Variants in AK5 observed in about 807,000 individuals in gnomAD.
The protein encoded by AK5 is adenylate kinase 5, also known as adenylate kinase isoenzyme 5.
AK5 carries 27 observed loss-of-function variants against 69.5 expected under a neutral mutation model. The ratio of observed to expected loss-of-function variants is 0.39; its 90% CI spans 0.29 to 0.54. AK5 has a LOEUF of 0.54. Ranked by LOEUF, AK5 falls within the 20% of genes least tolerant of loss-of-function variation. AK5 has a pLI of 0.71. For synonymous variants in AK5, 260 were observed against 244.4 expected (o/e 1.06, Z -0.60); for missense variants, 531 against 700.4 (o/e 0.76, Z 2.73).
chr1:77,503,899 C>CAAAAAAA (rs147784897), intron 10 of AK5, among the ~76,000 whole-genome samples: 1 of 135,220 alleles, frequency 7.4e-6, no homozygotes, highest in Non-Finnish European at 1.6e-5. Flanking sequence ...GAGACTGTCT[C>CAAAAAAA]AAAAAAAAAA....
intron 7 of AK5, among the ~76,000 whole-genome samples, chr1:77,415,152 T>C (rs984717213): frequency 2.6e-5 from 4 of 152,228 alleles, no homozygotes; most frequent in Admixed American, 1.3e-4. Flanking sequence ...TTCTTACTTA[T>C]AAGCATGAAG....
chr1:77,507,809 C>T (rs1377942971), intron 10 of AK5, among the ~76,000 whole-genome samples: 1 of 152,222 alleles, frequency 6.6e-6, no homozygotes, highest in Non-Finnish European at 1.5e-5. Context: ...ATTATCTAAT[C>T]TAGAAGTTCC....
chr1:77,390,362 A>T (rs1229861099), intron 6 of AK5, among the ~76,000 whole-genome samples: 1 of 152,242 alleles, frequency 6.6e-6, no homozygotes, highest in Non-Finnish European at 1.5e-5. Flanking sequence ...TTACTAGAGC[A>T]CATATTTCAC....
intron 8 of AK5, among the ~76,000 whole-genome samples, chr1:77,463,937 A>G (rs1653990475): frequency 6.6e-6 from 1 of 152,214 alleles, no homozygotes; most frequent in Non-Finnish European, 1.5e-5. Flanking sequence ...AGAGTCCAAT[A>G]GGTATCCAGT....
rs554883381 is a variant in AK5, at chr1:77,320,013, A to G, written c.700-20364A>G. 1.1e-4 allele frequency among the ~76,000 whole-genome samples: 16 copies of G among 152,336 alleles called. No individual in the cohort carries two copies. The South Asian group carries it at 3.1e-3, about 30-fold the overall frequency. On this transcript the variant is annotated intron_variant, in intron 5 of 13. Coordinates refer to ENST00000354567, the MANE Select transcript of AK5 (RefSeq NM_174858.3). Reference sequence around the variant, plus strand: ...AATACCCAAGACTGGTAATTTACAAAGAAAAGAGGTTTAATTGACTCACAG... The same window carrying G: ...AATACCCAAGACTGGTAATTTACAAGGAAAAGAGGTTTAATTGACTCACAG...
chr1:77,541,372 C>A (rs2100371862), intron 13 of AK5, among the ~76,000 whole-genome samples: 1 of 152,188 alleles, frequency 6.6e-6, no homozygotes, highest in Middle Eastern at 3.4e-3. Context: ...TGCAGTGAAC[C>A]AAGATAGTGC....
intron 5 of AK5, among the ~76,000 whole-genome samples, chr1:77,319,748 T>C (rs968163305): frequency 6.6e-6 from 1 of 152,212 alleles, no homozygotes; most frequent in African/African-American, 2.4e-5. Context: ...GCCAAAAATA[T>C]AAATTCAAAT....
At chr1:77,312,665 C>A (rs1371179102) in intron 5 of AK5, among the ~76,000 whole-genome samples, 1 of 150,930 alleles carries the variant, frequency 6.6e-6, no homozygotes, top group African/African-American at 2.4e-5. Context: ...TCATTCACAT[C>A]ACCACGGATG....
At chr1:77,355,020 A>T (rs1028341645) in intron 6 of AK5, among the ~76,000 whole-genome samples, 1 of 152,194 alleles carries the variant, frequency 6.6e-6, no homozygotes, top group Non-Finnish European at 1.5e-5. Context: ...TATATACTTG[A>T]TAATGTTTAT....
chr1:77,490,000 C>T (rs1290113263), intron 10 of AK5, among the ~76,000 whole-genome samples: 1 of 152,196 alleles, frequency 6.6e-6, no homozygotes, highest in Admixed American at 6.5e-5. Context: ...TAATCACCAT[C>T]CTTCCTCCTC....
intron 8 of AK5, among the ~76,000 whole-genome samples, chr1:77,483,068 G>C (rs1655370212): frequency 7.8e-6 from 1 of 127,442 alleles, no homozygotes; most frequent in South Asian, 2.8e-4. Flanking sequence ...TGGTTAAGAA[G>C]AGAGCATGTA....
At chr1:77,305,115 G>T (rs997112896) in intron 5 of AK5, among the ~76,000 whole-genome samples, 9 of 152,056 alleles carry the variant, frequency 5.9e-5, no homozygotes, top group Admixed American at 5.9e-4. Flanking sequence ...TCACATGCCC[G>T]TTTGCCATTT....
intron 6 of AK5, among the ~76,000 whole-genome samples, chr1:77,378,231 A>C (rs745809694): frequency 2.0e-5 from 3 of 152,148 alleles, no homozygotes; most frequent in Admixed American, 6.6e-5. Context: ...ATAACATTTA[A>C]TTTTTTTCAT....
At chr1:77,500,103 G>A (rs1656622168) in intron 10 of AK5, among the ~76,000 whole-genome samples, 2 of 151,820 alleles carry the variant, frequency 1.3e-5, no homozygotes, top group African/African-American at 4.8e-5. Flanking sequence ...CCATCTCAGA[G>A]CCATAATGAT....
At chr1:77,525,651 C>T (rs180955043) in intron 12 of AK5, among the ~76,000 whole-genome samples, 2 of 152,342 alleles carry the variant, frequency 1.3e-5, no homozygotes, top group East Asian at 1.9e-4. Context: ...ATGACCCAAA[C>T]ACCTCCAACT....
At chr1:77,508,038 C>T (rs1158566622) in intron 10 of AK5, among the ~76,000 whole-genome samples, 1 of 152,166 alleles carries the variant, frequency 6.6e-6, no homozygotes. Context: ...CAACGTAACG[C>T]TCAAAGGAAC....
intron 6 of AK5, among the ~76,000 whole-genome samples, chr1:77,345,601 G>C (rs963884224): frequency 1.3e-5 from 2 of 152,100 alleles, no homozygotes; most frequent in African/African-American, 4.8e-5. Flanking sequence ...CTGTGGATTG[G>C]GAAACACTCA....
chr1:77,314,458 TA>T (rs1660133258), intron 5 of AK5: 3 of 152,910 alleles, frequency 2.0e-5, no homozygotes, highest in African/African-American at 7.3e-5. Flanking sequence ...ACAGATGATA[TA>T]AACACAATAC....
At chr1:77,465,254 AC>A (rs1252368043) in intron 8 of AK5, among the ~76,000 whole-genome samples, 3 of 152,136 alleles carry the variant, frequency 2.0e-5, no homozygotes, top group African/African-American at 7.2e-5. Context: ...ACTCAAGATC[AC>A]CTTTTTTTAA....
Sources: allele counts gnomAD v4.1 joint callset (sites outside exome capture counted in the v4.1 genomes callset), GRCh38; gene constraint gnomAD v4.1.1; transcripts MANE v1.5; gene names NCBI Gene and HGNC (gene_info 2026-07-23, HGNC 2026-07-21).